RUNX1: variants seen among roughly 807,000 people sequenced by gnomAD.
The protein encoded by RUNX1 is runt-related transcription factor 1.
In RUNX1, 19 loss-of-function variants were observed where a neutral mutation model predicts 42.8. The observed-to-expected ratio is 0.44, with a 90% confidence interval of 0.31 to 0.65. RUNX1 has a LOEUF of 0.65. RUNX1 is among the 30% of genes least tolerant of loss of function. The pLI, the probability that RUNX1 is intolerant of heterozygous loss-of-function variation, is 0.07. For synonymous variants in RUNX1, 271 were observed against 289.4 expected (o/e 0.94, Z 0.64); for missense variants, 528 against 672.0 (o/e 0.79, Z 2.37).
Position 34,966,870 on chromosome 21 carries a change from G to A in RUNX1, c.59-73907C>T, listed in dbSNP as rs112778963. ...GGCTACAAACGAGAGAACTGCAGTG[G>A]CTGTAAATCGTTCTCTTCATGAAAA... On this transcript the variant is annotated intron_variant, in intron 2 of 8. Transcript: ENST00000675419. Among the ~76,000 whole-genome samples, 1,067 of 152,234 alleles carry A rather than the reference G, an allele frequency of 7.0e-3. 12 individuals carry two copies. Among genetic ancestry groups the A allele is most frequent in the African/African-American group, 0.024 (996 of 41,532 alleles).
intron 2 of RUNX1, among the ~76,000 whole-genome samples, chr21:35,021,519 A>C (rs544093092): frequency 6.6e-6 from 1 of 152,350 alleles, no homozygotes; most frequent in East Asian, 1.9e-4. Context: ...TAATATATAA[A>C]TACACTGAGC....
intron 7 of RUNX1, among the ~76,000 whole-genome samples, chr21:34,831,339 G>A (rs2057060583): frequency 6.6e-6 from 1 of 152,196 alleles, no homozygotes; most frequent in Non-Finnish European, 1.5e-5. Flanking sequence ...TTAGTGGCAT[G>A]ACAACTTGCC....
At chr21:34,943,623 A>C (rs2097551067) in intron 2 of RUNX1, among the ~76,000 whole-genome samples, 1 of 152,198 alleles carries the variant, frequency 6.6e-6, no homozygotes, top group Non-Finnish European at 1.5e-5. Flanking sequence ...TGATTTTACC[A>C]GGTGATATTC....
Position 34,834,561 on chromosome 21 carries a change from G to A in RUNX1, c.654C>T (p.Ser218=), listed in dbSNP as rs145230602. The part of the protein sequence containing the change: ...QKLDDQTKPG[S]LSFSERLSEL... ...CACTGAGCCGCTCGGAAAAGGACAA[G>A]CTCCCGGGCTTGGTCTGATCATCTA... Residue 218 remains serine (S), a synonymous_variant, in exon 7 of 9, where the codon AGC becomes AGT. Transcript: ENST00000675419. 686 of 1,612,622 alleles carry A rather than the reference G, an allele frequency of 4.3e-4. No homozygotes were observed. Among genetic ancestry groups the A allele is most frequent in the Middle Eastern group, 3.1e-3 (16 of 5,224 alleles).
intron 2 of RUNX1, among the ~76,000 whole-genome samples, chr21:34,908,497 C>T (rs2058243386): frequency 6.6e-6 from 1 of 152,226 alleles, no homozygotes; most frequent in South Asian, 2.1e-4. Context: ...TATGTTGTAA[C>T]ACTATTTTAA....
intron 2 of RUNX1, among the ~76,000 whole-genome samples, chr21:34,966,543 C>G (rs946823012): frequency 1.3e-5 from 2 of 152,054 alleles, no homozygotes; most frequent in Admixed American, 6.6e-5. Flanking sequence ...CCAACCCACA[C>G]CCCCTCATTG....
chr21:34,975,925 G>C (rs949682493), intron 2 of RUNX1, among the ~76,000 whole-genome samples: 3 of 152,094 alleles, frequency 2.0e-5, no homozygotes, highest in Non-Finnish European at 2.9e-5. Flanking sequence ...AAGATGGATT[G>C]AGACTAAATT....
chr21:34,943,798 C>T (rs911528295), intron 2 of RUNX1, among the ~76,000 whole-genome samples: 4 of 152,136 alleles, frequency 2.6e-5, no homozygotes, highest in African/African-American at 4.8e-5. Context: ...CTCGCAAATC[C>T]TCCTACACAA....
intron 7 of RUNX1, among the ~76,000 whole-genome samples, chr21:34,807,048 G>A (rs890937755): frequency 6.6e-5 from 10 of 151,858 alleles, no homozygotes; most frequent in African/African-American, 2.2e-4. Context: ...TCCACCTCAG[G>A]AGACTGGAGA....
In RUNX1 at chr21:34,792,724, GC is replaced by G; in HGVS notation, c.968-115del. Reference sequence around the variant, plus strand: ...ATGATACCGCCTAGGAGGATGGGAAGCCACCCAGGATGCTACTGCTGGGGAG... The same window carrying G: ...ATGATACCGCCTAGGAGGATGGGAAGCACCCAGGATGCTACTGCTGGGGAG... On this transcript the variant is annotated intron_variant, in intron 8 of 8. Coordinates refer to ENST00000675419, the MANE Select transcript of RUNX1 (RefSeq NM_001754.5). This position sits in a 1 kb window ranked among gnomAD's most constrained non-coding sequence, Gnocchi z 6.9. 1 of 1,063,030 alleles carries G rather than the reference GC, an allele frequency of 9.4e-7. No individual in the cohort carries two copies. The highest frequency in any genetic ancestry group is 1.3e-6 in the Non-Finnish European group (1 of 753,918). The allele number at this position is 1,063,030 out of a possible 1,614,324, so 65.8% of individuals were successfully genotyped here.
At chr21:34,950,458 G>A (rs2058598433) in intron 2 of RUNX1, among the ~76,000 whole-genome samples, 1 of 150,188 alleles carries the variant, frequency 6.7e-6, no homozygotes, top group East Asian at 1.9e-4. Context: ...GCACATATAG[G>A]CTGGGCTCAG....
At chr21:34,855,297 T>C (rs142597718) in intron 6 of RUNX1, among the ~76,000 whole-genome samples, 98 of 152,306 alleles carry the variant, frequency 6.4e-4, no homozygotes, top group Non-Finnish European at 1.2e-3. Flanking sequence ...GAAATCTCTG[T>C]AGAGAAGATG....
intron 7 of RUNX1, among the ~76,000 whole-genome samples, chr21:34,811,341 G>A (rs530156430): frequency 6.6e-6 from 1 of 152,316 alleles, no homozygotes; most frequent in East Asian, 1.9e-4. Context: ...CCTCCCATCT[G>A]ACTACCTTGT....
chr21:34,872,538 T>C (rs2057754775), intron 5 of RUNX1, among the ~76,000 whole-genome samples: 1 of 152,276 alleles, frequency 6.6e-6, no homozygotes, highest in Admixed American at 6.5e-5. Context: ...TTTTTTATTC[T>C]GTGCAATGTT....
At chr21:34,894,532 G>T (rs1457461332) in intron 2 of RUNX1, among the ~76,000 whole-genome samples, 1 of 152,136 alleles carries the variant, frequency 6.6e-6, no homozygotes, top group Non-Finnish European at 1.5e-5. Flanking sequence ...CCCAGGTGAA[G>T]TAGCACCTGT....
At chr21:34,955,982 T>C (rs187967025) in intron 2 of RUNX1, among the ~76,000 whole-genome samples, 2 of 152,300 alleles carry the variant, frequency 1.3e-5, no homozygotes, top group African/African-American at 4.8e-5. Flanking sequence ...TTTTTCCTCA[T>C]GCATATGCAA....
chr21:34,945,834 G>T (rs1322195013), intron 2 of RUNX1, among the ~76,000 whole-genome samples: 1 of 152,154 alleles, frequency 6.6e-6, no homozygotes, highest in East Asian at 1.9e-4. Flanking sequence ...AACTATCGAA[G>T]CTCTTTCTCC....
chr21:34,919,667 C>T (rs948552364), intron 2 of RUNX1, among the ~76,000 whole-genome samples: 3 of 152,132 alleles, frequency 2.0e-5, no homozygotes, highest in African/African-American at 7.2e-5. Flanking sequence ...CTTTCTTCTT[C>T]GATTGAGTGG....
chr21:34,811,942 T>C (rs9941861), intron 7 of RUNX1, among the ~76,000 whole-genome samples: 446 of 152,094 alleles, frequency 2.9e-3, no homozygotes, highest in African/African-American at 0.01. Flanking sequence ...TGCACAGAAA[T>C]AGCCTCCAAG....
Sources: allele counts gnomAD v4.1 joint callset (sites outside exome capture counted in the v4.1 genomes callset), GRCh38; gene constraint gnomAD v4.1.1; non-coding constraint Gnocchi (gnomAD v3.1); transcripts MANE v1.5; gene names NCBI Gene and HGNC (gene_info 2026-07-23, HGNC 2026-07-21).